Variants in CSMD1 observed in about 807,000 individuals in gnomAD.
CSMD1 encodes CUB and Sushi multiple domains 1.
Under a neutral mutation model 417.5 loss-of-function variants are expected in CSMD1, and 213 were observed. That is an observed-to-expected ratio of 0.51 (90% CI 0.46 to 0.57). The LOEUF (loss-of-function observed/expected upper bound fraction) is 0.57, where lower values mean the gene tolerates loss of function less well. Ranked by LOEUF, CSMD1 falls within the 20% of genes least tolerant of loss-of-function variation. The probability of loss-of-function intolerance (pLI) is 0.00; values close to 1 mark genes in which losing one functional copy is unlikely to be tolerated. For synonymous variants in CSMD1, 2,862 were observed against 1,736.8 expected (o/e 1.65, Z -16.11); for missense variants, 6,923 against 4,529.7 (o/e 1.53, Z -15.17).
intron 5 of CSMD1, among the ~76,000 whole-genome samples, chr8:3,769,125 A>C (rs1176950497): frequency 6.6e-6 from 1 of 152,226 alleles, no homozygotes; most frequent in African/African-American, 2.4e-5. Context: ...ATTAGTTACT[A>C]TACAGTTAAA....
chr8:3,099,547 A>T (rs956674057), intron 46 of CSMD1, among the ~76,000 whole-genome samples: 2 of 152,160 alleles, frequency 1.3e-5, no homozygotes, highest in Non-Finnish European at 2.9e-5. Flanking sequence ...CAGTTAGCCA[A>T]TCTCTCTACC....
intron 3 of CSMD1, among the ~76,000 whole-genome samples, chr8:4,319,236 G>T (rs1008912162): frequency 6.6e-6 from 1 of 152,118 alleles, no homozygotes; most frequent in African/African-American, 2.4e-5. Context: ...AATCCTGACA[G>T]TCATTTTTCC....
chr8:4,205,179 A>G lies in CSMD1; in HGVS notation c.416-173080T>C, dbSNP rs371650306. 3.0e-4 allele frequency among the ~76,000 whole-genome samples: 45 copies of G among 152,332 alleles called. No homozygotes were observed. In the East Asian group the frequency reaches 8.3e-3, roughly 28 times the overall value. ...CTTAGAGAGAAAACTGGGTGAAGAA[A>G]CATCTGATTTAAATAATAGCATTGC... On this transcript the variant is annotated intron_variant, in intron 3 of 69. Transcript: ENST00000635120.
chr8:3,932,995 A>C lies in CSMD1; in HGVS notation c.818+64908T>G, dbSNP rs1216896980. On this transcript the variant is annotated intron_variant, in intron 5 of 69. Transcript: ENST00000635120. Reference sequence around the variant, plus strand: ...TTTCTAATATCCTGAAAAACTTTTTAAATGTTTAACATTATAGAACAAGTG... The same window carrying C: ...TTTCTAATATCCTGAAAAACTTTTTCAATGTTTAACATTATAGAACAAGTG... Among the ~76,000 whole-genome samples, 3 of 149,840 alleles carry C rather than the reference A, an allele frequency of 2.0e-5. 1 individual carries two copies. The highest frequency in any genetic ancestry group is 4.5e-5 in the Non-Finnish European group (3 of 67,368).
At chr8:3,551,578 G>GTATATA (rs55961739) in intron 10 of CSMD1, among the ~76,000 whole-genome samples, 10 of 117,664 alleles carry the variant, frequency 8.5e-5, no homozygotes, top group Admixed American at 2.7e-4. Flanking sequence ...TAATAAATAT[G>GTATATA]TATATATATA....
chr8:4,024,693 G>C (rs968570741), intron 4 of CSMD1, among the ~76,000 whole-genome samples: 2 of 152,116 alleles, frequency 1.3e-5, no homozygotes, highest in Admixed American at 6.6e-5. Context: ...GTGACTTGTG[G>C]ATACCTTCCT....
chr8:3,236,371 T>G (rs1799157631), intron 26 of CSMD1, among the ~76,000 whole-genome samples: 1 of 152,078 alleles, frequency 6.6e-6, no homozygotes, highest in East Asian at 1.9e-4. Context: ...TTTAGAATTA[T>G]GAAATAAAGA....
intron 3 of CSMD1, among the ~76,000 whole-genome samples, chr8:4,259,153 C>T (rs150086661): frequency 6.6e-6 from 1 of 152,288 alleles, no homozygotes; most frequent in Non-Finnish European, 1.5e-5. Flanking sequence ...TCCAAACTAT[C>T]TCACACACGA....
At chr8:4,590,522 A>G (rs1021634745) in intron 2 of CSMD1, among the ~76,000 whole-genome samples, 2 of 152,174 alleles carry the variant, frequency 1.3e-5, no homozygotes, top group African/African-American at 4.8e-5. Flanking sequence ...AAGCGCTAGC[A>G]TAATACCTGG....
At chr8:2,967,072 G>C (rs1029989895) in intron 57 of CSMD1, among the ~76,000 whole-genome samples, 3 of 152,120 alleles carry the variant, frequency 2.0e-5, no homozygotes, top group African/African-American at 7.2e-5. Context: ...TTGCTATTTG[G>C]GGATTGAATG....
chr8:3,120,520 T>A (rs1817137916), intron 41 of CSMD1, among the ~76,000 whole-genome samples: 1 of 152,078 alleles, frequency 6.6e-6, no homozygotes, highest in Non-Finnish European at 1.5e-5. Context: ...TCCTATTTAA[T>A]AAACTAATGA....
intron 3 of CSMD1, among the ~76,000 whole-genome samples, chr8:4,086,490 G>A (rs1200264362): frequency 6.6e-6 from 1 of 152,056 alleles, no homozygotes; most frequent in Non-Finnish European, 1.5e-5. Flanking sequence ...GTACATTCAT[G>A]GAATTCTAAC....
In CSMD1 at chr8:4,717,398, T is replaced by C. The variant is rs199873438; in HGVS notation, c.86-79840A>G. Among the ~76,000 whole-genome samples the C allele has an allele frequency of 2.3e-3, 226 of 96,474 alleles. 2 individuals are homozygous for C. Among genetic ancestry groups the C allele is most frequent in the African/African-American group, 0.015 (213 of 14,336 alleles). 63.3% of individuals were successfully genotyped at this position (96,474 alleles called of 152,430 possible). On this transcript the variant is annotated intron_variant, in intron 1 of 69. Transcript: ENST00000635120. Reference sequence around the variant, plus strand: ...ATACACACACACATATACATACATATATACATATATACACACACACTATAT... The same window carrying C: ...ATACACACACACATATACATACATACATACATATATACACACACACTATAT...
intron 3 of CSMD1, among the ~76,000 whole-genome samples, chr8:4,368,664 G>A (rs948965390): frequency 2.0e-5 from 3 of 151,968 alleles, no homozygotes; most frequent in African/African-American, 4.8e-5. Context: ...GGTCTGTTCA[G>A]GATTTTAATT....
intron 60 of CSMD1, 31 bp downstream of exon 60, chr8:2,963,191 T>A (rs376719353): frequency 6.2e-7 from 1 of 1,610,640 alleles, no homozygotes; most frequent in African/African-American, 1.3e-5. Flanking sequence ...AGACCTGCAG[T>A]GGGCGGAACA....
intron 40 of CSMD1, among the ~76,000 whole-genome samples, chr8:3,149,592 C>T (rs570040811): frequency 2.6e-5 from 4 of 152,300 alleles, no homozygotes; most frequent in South Asian, 4.1e-4. Flanking sequence ...ATTCTCTTGC[C>T]TCAGCCTCCC....
At chr8:3,392,304 A>G (rs941858681) in intron 17 of CSMD1, among the ~76,000 whole-genome samples, 1 of 150,906 alleles carries the variant, frequency 6.6e-6, no homozygotes, top group Admixed American at 6.7e-5. Flanking sequence ...CTTGAAAAAA[A>G]ATAATAATTC....
intron 1 of CSMD1, among the ~76,000 whole-genome samples, chr8:4,894,456 G>A (rs572402557): frequency 1.3e-5 from 2 of 151,658 alleles, no homozygotes; most frequent in Admixed American, 1.3e-4. Flanking sequence ...GGGAGGCTGA[G>A]GCAGGAGAAT....
At chr8:4,673,187 G>A (rs1805438244) in intron 1 of CSMD1, among the ~76,000 whole-genome samples, 1 of 152,148 alleles carries the variant, frequency 6.6e-6, no homozygotes, top group Middle Eastern at 3.4e-3. Flanking sequence ...AGAAAGAAAA[G>A]ACATTTATCA....
Sources: gnomAD v4.1 joint callset for allele counts (sites outside exome capture counted in the v4.1 genomes callset) on GRCh38, gnomAD v4.1.1 for gene constraint, MANE v1.5 for transcripts, NCBI Gene and HGNC (gene_info 2026-07-23, HGNC 2026-07-21) for gene names.